GLDN: variants seen among roughly 807,000 people sequenced by gnomAD.
GLDN encodes gliomedin.
A neutral mutation model predicts 56.5 loss-of-function variants in GLDN; 47 were observed. That is an observed-to-expected ratio of 0.83 (90% confidence interval 0.66 to 1.06). The LOEUF (loss-of-function observed/expected upper bound fraction) is 1.06, where lower values mean the gene tolerates loss of function less well. GLDN is among the 50% of genes least tolerant of loss of function. The pLI is 0.00. For missense variants in GLDN, 782 were observed against 714.3 expected (o/e 1.09, Z -1.08); for synonymous variants, 332 against 278.8 (o/e 1.19, Z -1.90).
At position 51,406,085 on chromosome 15, in the gene GLDN, T is replaced by A. The variant is rs772204969; in HGVS notation, c.*1331T>A. ...CTAAGAAGCCGCATAGGATGTGACT[T>A]GCGTTTTGAGTAGAGGGGAAGGCTG... On this transcript the variant is annotated 3_prime_UTR_variant, in exon 10 of 10. Transcript: ENST00000335449. The A allele has an allele frequency of 2.0e-5, 3 of 152,148 alleles. No individual in the cohort carries two copies. Among genetic ancestry groups the A allele is most frequent in the Non-Finnish European group, 4.4e-5 (3 of 68,032 alleles). 9.4% of individuals were successfully genotyped at this position (152,148 alleles called of 1,614,324 possible).
intron 1 of GLDN, among the ~76,000 whole-genome samples, chr15:51,372,696 C>T (rs1251267445): frequency 6.6e-6 from 1 of 152,174 alleles, no homozygotes; most frequent in African/African-American, 2.4e-5. Context: ...AGAAACTCTT[C>T]CTTAGAGACG....
At chr15:51,352,540 C>T (rs1007589074) in intron 1 of GLDN, among the ~76,000 whole-genome samples, 3 of 152,154 alleles carry the variant, frequency 2.0e-5, no homozygotes, top group African/African-American at 7.2e-5. Flanking sequence ...GTCTGTTCAT[C>T]TGTGCTTTTA....
intron 1 of GLDN, among the ~76,000 whole-genome samples, chr15:51,354,301 C>A (rs2037133896): frequency 6.6e-6 from 1 of 152,066 alleles, no homozygotes; most frequent in Non-Finnish European, 1.5e-5. Flanking sequence ...CAAAATAATT[C>A]CCTGGTTTTT....
chr15:51,396,351 CA>C (rs1006499914), intron 5 of GLDN, among the ~76,000 whole-genome samples: 2 of 152,196 alleles, frequency 1.3e-5, no homozygotes, highest in Admixed American at 1.3e-4. Context: ...TTATTGCCAT[CA>C]GGGGCATTTC....
rs1199612482 is a variant in GLDN, at chr15:51,407,540, C to T, written c.*2786C>T. 2 of 152,196 alleles carry T rather than the reference C, an allele frequency of 1.3e-5. No homozygotes were observed. The highest frequency in any genetic ancestry group is 2.1e-4 in the South Asian group (1 of 4,836). 9.4% of individuals were successfully genotyped at this position (152,196 alleles called of 1,614,324 possible). A position where few individuals can be genotyped will look rare whatever the true frequency, so the allele number is the denominator to read the frequency against. On this transcript the variant is annotated 3_prime_UTR_variant, in exon 10 of 10. Transcript: ENST00000335449. ...AAGTAAACAAAACCATCCCTCCCAA[C>T]CTCAAAGCTAGGCCACACTCTATTT... is the stretch of plus-strand genomic sequence containing the variant.
intron 1 of GLDN, among the ~76,000 whole-genome samples, chr15:51,343,088 T>G (rs2036915115): frequency 6.6e-6 from 1 of 152,244 alleles, no homozygotes; most frequent in South Asian, 2.1e-4. Context: ...AGATTTCGGC[T>G]ATTACCTCCA....
At chr15:51,351,137 C>A in intron 1 of GLDN, 1 of 294,864 alleles carries the variant, frequency 3.4e-6, no homozygotes, top group South Asian at 3.9e-5. Flanking sequence ...CTTCTTATCT[C>A]CTCCCAGTTC....
At position 51,401,745 on chromosome 15, in the gene GLDN, T is replaced by C; in HGVS notation, c.1178+2T>C. The C allele has an allele frequency of 6.2e-7, 1 of 1,612,632 alleles. No homozygotes were observed. ...AGGGGGTTCTAATACCCTAGTGAGG[T>C]AAGTCGCACCACAGCACCTTCTCAC... On this transcript the variant is annotated splice_donor_variant, in intron 9 of 9. Transcript: ENST00000335449. LOFTEE classifies it high-confidence loss of function.
chr15:51,383,945 G>A, intron 4 of GLDN, 53 bp downstream of exon 4: 1 of 1,328,584 alleles, frequency 7.5e-7, no homozygotes, highest in South Asian at 1.2e-5. Flanking sequence ...CTCCATGATT[G>A]CATTTGGGTC....
intron 9 of GLDN, among the ~76,000 whole-genome samples, chr15:51,403,620 G>T (rs535307849): frequency 2.0e-5 from 3 of 152,204 alleles, no homozygotes; most frequent in African/African-American, 7.2e-5. Flanking sequence ...CCATGCCATA[G>T]TTTAATGTAT....
intron 5 of GLDN, among the ~76,000 whole-genome samples, chr15:51,395,616 A>G (rs1159020735): frequency 6.6e-6 from 1 of 152,130 alleles, no homozygotes; most frequent in Non-Finnish European, 1.5e-5. Flanking sequence ...TAGATGAGCT[A>G]ACTCTCTTAC....
chr15:51,362,178 G>A (rs2037312664), intron 1 of GLDN, among the ~76,000 whole-genome samples: 1 of 152,148 alleles, frequency 6.6e-6, no homozygotes, highest in African/African-American at 2.4e-5. Context: ...TGAGTGGGAA[G>A]AAGAGTAATA....
intron 1 of GLDN, among the ~76,000 whole-genome samples, chr15:51,356,131 C>T (rs768038783): frequency 4.0e-5 from 6 of 150,818 alleles, no homozygotes; most frequent in Non-Finnish European, 8.8e-5. Flanking sequence ...GTCTTAAACC[C>T]GGGAGGTGGA....
intron 1 of GLDN, among the ~76,000 whole-genome samples, chr15:51,365,152 C>A (rs1233026934): frequency 3.3e-5 from 5 of 152,072 alleles, no homozygotes; most frequent in Non-Finnish European, 5.9e-5. Flanking sequence ...GAGGAGAGCC[C>A]AACTCTTGAT....
chr15:51,394,568 G>C (rs749923780), intron 4 of GLDN, among the ~76,000 whole-genome samples: 2 of 152,100 alleles, frequency 1.3e-5, no homozygotes, highest in Non-Finnish European at 2.9e-5. Flanking sequence ...AGCCGAGATC[G>C]CGCTACTGCA....
intron 1 of GLDN, among the ~76,000 whole-genome samples, chr15:51,342,315 A>T (rs1487143441): frequency 6.6e-6 from 1 of 152,232 alleles, no homozygotes; most frequent in Non-Finnish European, 1.5e-5. Context: ...CGAAGGGCGA[A>T]GGCAGTGTTT....
intron 1 of GLDN, among the ~76,000 whole-genome samples, chr15:51,366,215 G>A (rs1467021696): frequency 1.3e-5 from 2 of 152,174 alleles, no homozygotes; most frequent in Non-Finnish European, 2.9e-5. Context: ...GAACACGGTC[G>A]GAGGCCACCT....
chr15:51,352,873 T>C (rs1156541674), intron 1 of GLDN, among the ~76,000 whole-genome samples: 1 of 152,206 alleles, frequency 6.6e-6, no homozygotes, highest in Non-Finnish European at 1.5e-5. Flanking sequence ...TTTAACAACG[T>C]TGATATCAGC....
intron 1 of GLDN, among the ~76,000 whole-genome samples, chr15:51,360,927 A>G (rs2037287538): frequency 6.6e-6 from 1 of 152,390 alleles, no homozygotes; most frequent in African/African-American, 2.4e-5. Context: ...GCCACAGGGC[A>G]GCATTTGGAG....
Sources: gnomAD v4.1 joint callset for allele counts (sites outside exome capture counted in the v4.1 genomes callset) on GRCh38, gnomAD v4.1.1 for gene constraint, MANE v1.5 for transcripts, NCBI Gene and HGNC (gene_info 2026-07-23, HGNC 2026-07-21) for gene names.